TBC1D30: variants seen among roughly 807,000 people sequenced by gnomAD.
The protein encoded by TBC1D30 is TBC1 domain family, member 30.
TBC1D30 carries 31 observed loss-of-function variants against 63.2 expected under a neutral mutation model. That is an observed-to-expected ratio of 0.49 (90% CI 0.37 to 0.66). TBC1D30 has a LOEUF of 0.66. Ranked by LOEUF, TBC1D30 falls within the 30% of genes least tolerant of loss-of-function variation. The pLI is 0.00. For missense variants in TBC1D30, 810 were observed against 953.6 expected (o/e 0.85, Z 1.98); for synonymous variants, 307 against 361.5 (o/e 0.85, Z 1.71).
At chr12:64,771,270 G>A (rs1039657202) in intron 1 of TBC1D30, among the ~76,000 whole-genome samples, 1 of 151,898 alleles carries the variant, frequency 6.6e-6, no homozygotes, top group Non-Finnish European at 1.5e-5. Context: ...GGCCCATAGG[G>A]TTTTGGGGCA....
intron 2 of TBC1D30, among the ~76,000 whole-genome samples, chr12:64,786,853 G>A (rs796782171): frequency 4.6e-5 from 7 of 151,916 alleles, no homozygotes; most frequent in African/African-American, 1.7e-4. Context: ...TGAGGCAGGA[G>A]AATCACTTGA....
chr12:64,814,413 A>G (rs1413808458), intron 2 of TBC1D30, among the ~76,000 whole-genome samples: 1 of 152,140 alleles, frequency 6.6e-6, no homozygotes, highest in East Asian at 1.9e-4. Flanking sequence ...TGTGCCATAG[A>G]TAAAATTTAA....
chr12:64,812,630 T>A (rs1873280700), intron 2 of TBC1D30, among the ~76,000 whole-genome samples: 1 of 152,146 alleles, frequency 6.6e-6, no homozygotes, highest in Non-Finnish European at 1.5e-5. Flanking sequence ...CTTGGTAAAC[T>A]TTAAAAAAAA....
chr12:64,769,536 TG>T (rs1870831310), intron 1 of TBC1D30, among the ~76,000 whole-genome samples: 1 of 138,506 alleles, frequency 7.2e-6, no homozygotes, highest in African/African-American at 2.9e-5. Flanking sequence ...GCCACCACGC[TG>T]GGCTATTTTT....
chr12:64,769,030 C>A lies in TBC1D30; in HGVS notation c.-376+9381C>A, dbSNP rs566169034. On this transcript the variant is annotated intron_variant, in intron 1 of 13. Coordinates refer to the TBC1D30 transcript ENST00000674237. ...AAAATTAGTTGTGTGTGGTTGTGTG[C>A]ACCTGTAGTTCCAGCTACTTAGGAG... Among the ~76,000 whole-genome samples the A allele has an allele frequency of 2.0e-5, 3 of 152,098 alleles. No homozygotes were observed. The South Asian group carries it at 6.2e-4, about 32-fold the overall frequency.
rs1879415730 is a variant in TBC1D30 at position 64,880,784 on chromosome 12, T to C, written c.*4996T>C. The C allele has an allele frequency of 6.6e-6, 1 of 152,090 alleles. No individual in the cohort carries two copies. The highest frequency in any genetic ancestry group is 2.4e-5 in the African/African-American group (1 of 41,418). 9.4% of individuals were successfully genotyped at this position (152,090 alleles called of 1,614,324 possible). The stretch of plus-strand genomic sequence containing the variant: ...ACCTGTGCCCCAGGGGCTTCAAGAG[T>C]TGTTGTTGTTTTAACATTAAAAAAC... On this transcript the variant is annotated 3_prime_UTR_variant, in exon 12 of 12. Transcript: ENST00000539867.
intron 8 of TBC1D30, among the ~76,000 whole-genome samples, chr12:64,860,079 A>G (rs1344543650): frequency 6.7e-6 from 1 of 149,928 alleles, no homozygotes; most frequent in Admixed American, 6.6e-5. Flanking sequence ...GTGCAGTGGC[A>G]TGAACATGGC....
chr12:64,788,149 G>C (rs928915552), intron 2 of TBC1D30, among the ~76,000 whole-genome samples: 1 of 151,884 alleles, frequency 6.6e-6, no homozygotes, highest in Admixed American at 6.6e-5. Context: ...CCAGAGTCAA[G>C]CACTTGTCTG....
chr12:64,858,500 T>C (rs759231413), intron 8 of TBC1D30, among the ~76,000 whole-genome samples: 7 of 152,186 alleles, frequency 4.6e-5, no homozygotes, highest in Non-Finnish European at 7.3e-5. Flanking sequence ...CTACCAGTGC[T>C]GGGTCCTTCC....
rs1197173568 is a variant in TBC1D30, at chr12:64,824,758, C to T, written c.-122C>T. The T allele has an allele frequency of 7.4e-7, 1 of 1,347,354 alleles. No individual in the cohort carries two copies. The highest frequency in any genetic ancestry group is 2.6e-5 in the Admixed American group (1 of 37,966). The allele number at this position is 1,347,354 out of a possible 1,614,324, so 83.5% of individuals were successfully genotyped here. A position where few individuals can be genotyped will look rare whatever the true frequency, so the allele number is the denominator to read the frequency against. On this transcript the variant is annotated 5_prime_UTR_variant, in exon 1 of 12. Coordinates refer to ENST00000539867, the MANE Select transcript of TBC1D30 (RefSeq NM_015279.2). ...CCAGCACCAGCCGGCTGTGCGCTCC[C>T]TGCTCCCACGGGCCGGTCAGCCGCA...
At chr12:64,801,677 T>G (rs1197783981) in intron 2 of TBC1D30, among the ~76,000 whole-genome samples, 1 of 152,186 alleles carries the variant, frequency 6.6e-6, no homozygotes, top group Non-Finnish European at 1.5e-5. Flanking sequence ...AATTATCCAG[T>G]AAACATTTAT....
At chr12:64,866,109 A>G (rs1878193027) in intron 9 of TBC1D30, among the ~76,000 whole-genome samples, 1 of 152,096 alleles carries the variant, frequency 6.6e-6, no homozygotes, top group Admixed American at 6.5e-5. Context: ...GGCTCAAGCA[A>G]TCCTGCCTTA....
chr12:64,761,584 C>T (rs1041872137), intron 1 of TBC1D30, among the ~76,000 whole-genome samples: 2 of 152,322 alleles, frequency 1.3e-5, no homozygotes, highest in Non-Finnish European at 2.9e-5. Flanking sequence ...GACCTCTGGT[C>T]GTCCTCACTG....
chr12:64,777,234 C>G (rs77851259), upstream of TBC1D30, among the ~76,000 whole-genome samples: 4,945 of 152,210 alleles, frequency 0.032, 298 homozygotes, highest in African/African-American at 0.11. Flanking sequence ...TCCTATTCAA[C>G]ATAGTATTGG....
chr12:64,806,934 G>T (rs1872906459), intron 2 of TBC1D30, among the ~76,000 whole-genome samples: 1 of 152,208 alleles, frequency 6.6e-6, no homozygotes, highest in Non-Finnish European at 1.5e-5. Context: ...AGTCACAAAA[G>T]GACAAATACT....
At chr12:64,842,252 G>A (rs149863129) in intron 7 of TBC1D30, among the ~76,000 whole-genome samples, 1,756 of 152,202 alleles carry the variant, frequency 0.012, 47 homozygotes, top group African/African-American at 0.04. Flanking sequence ...TCAACTACTC[G>A]GGAGGCTGAG....
chr12:64,860,329 A>T (rs1877683132), intron 8 of TBC1D30, among the ~76,000 whole-genome samples: 2 of 151,808 alleles, frequency 1.3e-5, no homozygotes, highest in East Asian at 3.9e-4. Flanking sequence ...ATTTTTTTTA[A>T]TGTATTTTAG....
In TBC1D30 at chr12:64,834,945, G is replaced by A. The variant is rs957993259; in HGVS notation, c.595-1545G>A. Among the ~76,000 whole-genome samples, 12 of 151,926 alleles carry A rather than the reference G, an allele frequency of 7.9e-5. No homozygotes were observed. The East Asian group carries it at 2.1e-3, about 27-fold the overall frequency. The stretch of plus-strand genomic sequence containing the variant: ...AACCAAATATCTTTCTCAGCATTAT[G>A]TCTTATCCTTAGATGAAAAATACAA... On this transcript the variant is annotated intron_variant, in intron 5 of 11. Transcript: ENST00000539867.
rs905020323 is a variant in TBC1D30 at position 64,798,876 on chromosome 12, G to A, written c.643+12831G>A. The stretch of plus-strand genomic sequence containing the variant: ...CACCCAGGCTAGAGTACAGTGGCAC[G>A]ATCTTGGCTCACTGCAAGCTCCGCC... On this transcript the variant is annotated intron_variant, in intron 2 of 12. Transcript: ENST00000542120. Among the ~76,000 whole-genome samples, 6 of 146,034 alleles carry A rather than the reference G, an allele frequency of 4.1e-5. No homozygotes were observed. The Admixed American group carries it at 4.3e-4, about 10-fold the overall frequency.
Sources: gnomAD v4.1 joint callset for allele counts (sites outside exome capture counted in the v4.1 genomes callset) on GRCh38, gnomAD v4.1.1 for gene constraint, MANE v1.5 for transcripts, NCBI Gene and HGNC (gene_info 2026-07-23, HGNC 2026-07-21) for gene names.